PGR: variants seen among roughly 807,000 people sequenced by gnomAD.
The protein encoded by PGR is progesterone receptor, also known as nuclear receptor subfamily 3 group C member 3.
Under a neutral mutation model 76.1 loss-of-function variants are expected in PGR, and 25 were observed. That is an observed-to-expected ratio of 0.33 (90% confidence interval 0.24 to 0.46). The LOEUF is 0.46. PGR is among the 20% of genes least tolerant of loss of function. The pLI, the probability that PGR is intolerant of heterozygous loss-of-function variation, is 1.00. For synonymous variants in PGR, 579 were observed against 535.0 expected (o/e 1.08, Z -1.14); for missense variants, 1,172 against 1,225.3 (o/e 0.96, Z 0.65).
chr11:101,120,369 C>T (rs753014952), intron 2 of PGR, among the ~76,000 whole-genome samples: 10 of 152,142 alleles, frequency 6.6e-5, no homozygotes, highest in Non-Finnish European at 1.3e-4. Context: ...AGGTAGAAAG[C>T]TAATCATCTA....
intron 2 of PGR, among the ~76,000 whole-genome samples, chr11:101,100,188 C>A (rs183010480): frequency 6.6e-6 from 1 of 152,106 alleles, no homozygotes; most frequent in Non-Finnish European, 1.5e-5. Flanking sequence ...GGGTGGTTTC[C>A]CCCCATGCTC....
At chr11:101,093,752 C>A (rs1330682392) in intron 2 of PGR, among the ~76,000 whole-genome samples, 1 of 152,240 alleles carries the variant, frequency 6.6e-6, no homozygotes, top group Non-Finnish European at 1.5e-5. Context: ...AGCCACCACG[C>A]CCACCAAGGT....
chr11:101,101,836 CATT>C (rs1862005789), intron 2 of PGR, among the ~76,000 whole-genome samples: 1 of 151,992 alleles, frequency 6.6e-6, no homozygotes, highest in Non-Finnish European at 1.5e-5. Flanking sequence ...AGTTTTAAAA[CATT>C]ATGAGTTTTA....
intron 3 of PGR, among the ~76,000 whole-genome samples, chr11:101,064,337 A>C (rs796829967): frequency 2.1e-5 from 2 of 93,472 alleles, no homozygotes; most frequent in South Asian, 3.0e-4. Context: ...ACCTCAAAAA[A>C]AAAAAAAAAA....
chr11:101,108,083 G>A (rs1444715626), intron 2 of PGR, among the ~76,000 whole-genome samples: 2 of 151,450 alleles, frequency 1.3e-5, no homozygotes, highest in African/African-American at 4.9e-5. Flanking sequence ...GTGAAACCCT[G>A]TCTCTACTAA....
chr11:101,084,450 G>A (rs1861422774), intron 3 of PGR, among the ~76,000 whole-genome samples: 1 of 151,988 alleles, frequency 6.6e-6, no homozygotes, highest in Non-Finnish European at 1.5e-5. Context: ...CTGAGACCAG[G>A]AGTTCAAGAC....
chr11:101,116,048 G>T (rs956162638), intron 2 of PGR, among the ~76,000 whole-genome samples: 1 of 152,214 alleles, frequency 6.6e-6, no homozygotes, highest in African/African-American at 2.4e-5. Context: ...ATTTCCTCAT[G>T]TGATTTCAGA....
chr11:101,066,187 C>T (rs557824200), intron 3 of PGR, among the ~76,000 whole-genome samples: 49 of 152,276 alleles, frequency 3.2e-4, no homozygotes, highest in Non-Finnish European at 5.4e-4. Flanking sequence ...CCAGTCAGGT[C>T]ATTCCTCTCC....
intron 2 of PGR, among the ~76,000 whole-genome samples, chr11:101,123,741 C>T (rs542888111): frequency 2.6e-5 from 4 of 152,290 alleles, no homozygotes; most frequent in South Asian, 2.1e-4. Flanking sequence ...ATAACCACCT[C>T]GCTCTGTCCA....
intron 3 of PGR, among the ~76,000 whole-genome samples, chr11:101,075,222 G>C (rs1819503374): frequency 6.6e-6 from 1 of 152,272 alleles, no homozygotes; most frequent in Admixed American, 6.5e-5. Flanking sequence ...AATGGGGAAA[G>C]GATTCCCTAT....
intron 3 of PGR, among the ~76,000 whole-genome samples, chr11:101,090,338 T>G (rs1009860479): frequency 6.6e-6 from 1 of 152,214 alleles, no homozygotes; most frequent in Non-Finnish European, 1.5e-5. Flanking sequence ...AAGAGTCTTT[T>G]AAAGTCATTG....
chr11:101,085,302 AT>A (rs1861453523), intron 3 of PGR, among the ~76,000 whole-genome samples: 1 of 152,128 alleles, frequency 6.6e-6, no homozygotes, highest in East Asian at 1.9e-4. Context: ...AAACCACACA[AT>A]TACATGGAAA....
rs1293804827 is a variant in PGR at position 101,129,159 on chromosome 11, G to A, written c.-89C>T. Reference sequence around the variant, plus strand: ...GGGTTTCGGGAATATAGGGGCAGAGGGAGGAGAAAGTGGGTGTTGAATGTG... The same window carrying A: ...GGGTTTCGGGAATATAGGGGCAGAGAGAGGAGAAAGTGGGTGTTGAATGTG... On this transcript the variant is annotated 5_prime_UTR_variant, in exon 1 of 8. Coordinates refer to ENST00000325455, the MANE Select transcript of PGR (RefSeq NM_000926.4). The A allele has an allele frequency of 3.6e-6, 4 of 1,121,436 alleles. No individual in the cohort carries two copies. Among genetic ancestry groups the A allele is most frequent in the Non-Finnish European group, 4.8e-6 (4 of 836,296 alleles). The allele number at this position is 1,121,436 out of a possible 1,614,324, so 69.5% of individuals were successfully genotyped here. A position where few individuals can be genotyped will look rare whatever the true frequency, so the allele number is the denominator to read the frequency against.
intron 2 of PGR, among the ~76,000 whole-genome samples, chr11:101,115,640 A>G (rs1340161112): frequency 5.3e-5 from 8 of 152,086 alleles, no homozygotes; most frequent in African/African-American, 1.7e-4. Flanking sequence ...GTGTGGTGGT[A>G]CATGCCTGTA....
intron 6 of PGR, among the ~76,000 whole-genome samples, chr11:101,042,619 A>G (rs1414042678): frequency 6.6e-6 from 1 of 152,128 alleles, no homozygotes; most frequent in Non-Finnish European, 1.5e-5. Flanking sequence ...TAAGTTTTCT[A>G]ATGCCTTCCT....
Position 101,087,999 on chromosome 11 carries a change from T to C in PGR, c.1906+3761A>G, listed in dbSNP as rs1481726652. On this transcript the variant is annotated intron_variant, in intron 3 of 7. Coordinates refer to ENST00000325455, the MANE Select transcript of PGR (RefSeq NM_000926.4). ...TGAGCCCAGAAGTTTGAGACCTGAC[T>C]GGGTAACAAAGTGAGACCTTATCGT... 2.0e-5 allele frequency among the ~76,000 whole-genome samples: 3 copies of C among 151,980 alleles called. No individual in the cohort carries two copies. The East Asian group carries it at 5.8e-4, about 30-fold the overall frequency.
Position 101,032,864 on chromosome 11 carries a change from T to C in PGR, c.*6252A>G, listed in dbSNP as rs1859393862. ...TGGTAATCTCCACAATCTAGCAGAG[T>C]GACTGGCATACAGCACAGTAAAGGC... On this transcript the variant is annotated 3_prime_UTR_variant, in exon 8 of 8. Coordinates refer to ENST00000325455, the MANE Select transcript of PGR (RefSeq NM_000926.4). 5.3e-6 allele frequency: 1 copy of C among 187,842 alleles called. No homozygotes were observed. The highest frequency in any genetic ancestry group is 8.6e-5 in the East Asian group (1 of 11,660). 11.6% of individuals were successfully genotyped at this position (187,842 alleles called of 1,614,324 possible). A position where few individuals can be genotyped will look rare whatever the true frequency, so the allele number is the denominator to read the frequency against.
rs1862965109 is a variant in PGR at position 101,128,424 on chromosome 11, G to T, written c.647C>A (p.Ala216Asp). ...SGAPVKPSPQ[A>D]AAVEVEEEDG... ...CTCCTCCTCAACCTCCACCGCAGCG[G>T]CCTGCGGAGACGGCTTCACTGGGGC... Residue 216 changes from alanine to aspartate, a missense_variant, in exon 1 of 8, where the codon GCC becomes GAC. Transcript: ENST00000325455. 1.2e-6 allele frequency: 2 copies of T among 1,610,728 alleles called. No homozygotes were observed. The highest frequency in any genetic ancestry group is 1.7e-6 in the Non-Finnish European group (2 of 1,179,824).
intron 3 of PGR, among the ~76,000 whole-genome samples, chr11:101,064,361 A>C (rs796408911): frequency 1.7e-3 from 251 of 146,982 alleles, no homozygotes; most frequent in African/African-American, 6.1e-3. Context: ...AAAAAAAAAA[A>C]AAAAAAAAAA....
Sources: allele counts gnomAD v4.1 joint callset (sites outside exome capture counted in the v4.1 genomes callset), GRCh38; gene constraint gnomAD v4.1.1; transcripts MANE v1.5; gene names NCBI Gene and HGNC (gene_info 2026-07-23, HGNC 2026-07-21).